Variants in TAF3 observed in about 807,000 individuals in gnomAD.
The protein encoded by TAF3 is TATA-box binding protein associated factor 3, also known as transcription initiation factor TFIID subunit 3.
A neutral mutation model predicts 80.6 loss-of-function variants in TAF3; 7 were observed. That is an observed-to-expected ratio of 0.09 (90% CI 0.05 to 0.16). The LOEUF (loss-of-function observed/expected upper bound fraction) is 0.16, where lower values mean the gene tolerates loss of function less well. Ranked by LOEUF, TAF3 falls within the 10% of genes least tolerant of loss-of-function variation. TAF3 has a pLI of 1.00. For synonymous variants in TAF3, 444 were observed against 446.1 expected (o/e 1.00, Z 0.06); for missense variants, 921 against 1,140.2 (o/e 0.81, Z 2.77).
chr10:7,958,285 C>A (rs1838156357), intron 2 of TAF3, among the ~76,000 whole-genome samples: 1 of 152,084 alleles, frequency 6.6e-6, no homozygotes, highest in Non-Finnish European at 1.5e-5. Context: ...TTTGAGCAGG[C>A]AGAAGCTAGA....
chr10:7,855,817 C>T (rs955958932), intron 2 of TAF3, among the ~76,000 whole-genome samples: 3 of 151,910 alleles, frequency 2.0e-5, no homozygotes, highest in African/African-American at 7.3e-5. Flanking sequence ...CGTGGTGGCT[C>T]ACACCTGTAA....
chr10:7,947,298 T>G (rs2131400790), intron 2 of TAF3, among the ~76,000 whole-genome samples: 1 of 145,872 alleles, frequency 6.9e-6, no homozygotes, highest in South Asian at 2.2e-4. Flanking sequence ...GGCCGGATAG[T>G]GCGGTTAAGA....
intron 2 of TAF3, among the ~76,000 whole-genome samples, chr10:7,951,675 G>A (rs1838084245): frequency 6.6e-6 from 1 of 152,200 alleles, no homozygotes; most frequent in African/African-American, 2.4e-5. Context: ...AAGAATGTCT[G>A]TTCATTTTTA....
At chr10:7,899,662 G>C (rs1449422811) in intron 2 of TAF3, among the ~76,000 whole-genome samples, 1 of 152,080 alleles carries the variant, frequency 6.6e-6, no homozygotes, top group Non-Finnish European at 1.5e-5. Context: ...AGAAATCAGA[G>C]GAAAAGCTTA....
intron 2 of TAF3, among the ~76,000 whole-genome samples, chr10:7,922,698 T>C (rs1480438400): frequency 6.6e-6 from 1 of 152,090 alleles, no homozygotes; most frequent in African/African-American, 2.4e-5. Flanking sequence ...AGTTTATTAC[T>C]AAGTTATTGG....
intron 2 of TAF3, among the ~76,000 whole-genome samples, chr10:7,892,568 C>T (rs1483054707): frequency 6.6e-6 from 1 of 152,064 alleles, no homozygotes; most frequent in African/African-American, 2.4e-5. Context: ...CATAGTAAAT[C>T]TTAAACTGGT....
At chr10:7,819,009 C>A in intron 1 of TAF3, 134 bp downstream of exon 1, 1 of 939,434 alleles carries the variant, frequency 1.1e-6, no homozygotes, top group Non-Finnish European at 1.4e-6. Context: ...CTCGGCCTCC[C>A]ACGTCCCTGG....
chr10:7,825,722 A>G (rs554505628), intron 2 of TAF3, among the ~76,000 whole-genome samples: 1 of 152,256 alleles, frequency 6.6e-6, no homozygotes, highest in Non-Finnish European at 1.5e-5. Flanking sequence ...TACATTCCAC[A>G]TTTGTTTATC....
At chr10:7,988,427 T>G (rs1435839220) in intron 4 of TAF3, among the ~76,000 whole-genome samples, 2 of 151,548 alleles carry the variant, frequency 1.3e-5, no homozygotes, top group Non-Finnish European at 1.5e-5. Context: ...CTGTTTCTAC[T>G]AAAAATACAG....
chr10:7,960,895 C>T (rs995579006), intron 2 of TAF3, among the ~76,000 whole-genome samples: 2 of 152,152 alleles, frequency 1.3e-5, no homozygotes, highest in African/African-American at 2.4e-5. Context: ...AAAGAACAGC[C>T]GTTTCTACTG....
At chr10:7,963,168 A>G (rs2131411601) in intron 2 of TAF3, among the ~76,000 whole-genome samples, 1 of 152,304 alleles carries the variant, frequency 6.6e-6, no homozygotes, top group South Asian at 2.1e-4. Context: ...TAGTATATGA[A>G]TTTGTCATAA....
intron 4 of TAF3, among the ~76,000 whole-genome samples, chr10:8,002,665 A>G (rs761138002): frequency 3.3e-5 from 5 of 152,194 alleles, no homozygotes; most frequent in African/African-American, 4.8e-5. Flanking sequence ...TTCCGCACTG[A>G]TTGAAGACAG....
In TAF3 at chr10:8,016,559, T is replaced by C. The variant is rs945232257; in HGVS notation, c.*1808T>C. The C allele has an allele frequency of 6.6e-6, 1 of 151,608 alleles. No homozygotes were observed. The highest frequency in any genetic ancestry group is 2.4e-5 in the African/African-American group (1 of 41,186). The allele number at this position is 151,608 out of a possible 1,614,324, so 9.4% of individuals were successfully genotyped here. On this transcript the variant is annotated 3_prime_UTR_variant, in exon 7 of 7. Coordinates refer to ENST00000344293, the MANE Select transcript of TAF3 (RefSeq NM_031923.4). ...TACAATATTTTCACATGCACAAAAA[T>C]GCGCGTTAGTGGTTTTTGGAGAGGG... is the stretch of plus-strand genomic sequence containing the variant.
intron 2 of TAF3, among the ~76,000 whole-genome samples, chr10:7,916,067 G>A (rs941957820): frequency 2.6e-5 from 4 of 152,172 alleles, no homozygotes; most frequent in African/African-American, 9.7e-5. Flanking sequence ...TGTCAGAGGA[G>A]TGAATGGATT....
intron 2 of TAF3, among the ~76,000 whole-genome samples, chr10:7,896,059 T>C (rs964958634): frequency 4.0e-5 from 6 of 151,766 alleles, no homozygotes; most frequent in African/African-American, 1.5e-4. Context: ...GGAAAAGGAG[T>C]GGGTTACCAA....
chr10:7,963,296 A>G (rs922132707), intron 2 of TAF3, among the ~76,000 whole-genome samples: 9 of 152,194 alleles, frequency 5.9e-5, no homozygotes, highest in African/African-American at 2.2e-4. Flanking sequence ...TTCTATGTGC[A>G]TGAGAGAGAG....
intron 2 of TAF3, among the ~76,000 whole-genome samples, chr10:7,909,626 T>C (rs1378779985): frequency 3.3e-5 from 5 of 152,258 alleles, no homozygotes; most frequent in Non-Finnish European, 7.3e-5. Context: ...ATATTATTTA[T>C]GCTTGATAGC....
intron 1 of TAF3, among the ~76,000 whole-genome samples, chr10:7,819,277 A>G (rs1836665801): frequency 6.6e-6 from 1 of 152,054 alleles, no homozygotes; most frequent in Non-Finnish European, 1.5e-5. Flanking sequence ...ACTAGTTGTC[A>G]CAGGCGCTCC....
chr10:7,987,376 C>T (rs1389454281), intron 4 of TAF3, among the ~76,000 whole-genome samples: 1 of 151,988 alleles, frequency 6.6e-6, no homozygotes, highest in Non-Finnish European at 1.5e-5. Context: ...CAGCTTATCC[C>T]CTCCCCTCTA....
Sources: allele counts gnomAD v4.1 joint callset (sites outside exome capture counted in the v4.1 genomes callset), GRCh38; gene constraint gnomAD v4.1.1; transcripts MANE v1.5; gene names NCBI Gene and HGNC (gene_info 2026-07-23, HGNC 2026-07-21).